DHX15: variants seen among roughly 807,000 people sequenced by gnomAD.
DHX15 encodes the protein ATP-dependent RNA helicase DHX15.
DHX15 carries 11 observed loss-of-function variants against 94.4 expected under a neutral mutation model. That is an observed-to-expected ratio of 0.12 (90% CI 0.07 to 0.19). The LOEUF (loss-of-function observed/expected upper bound fraction) is 0.19. Among genes scored for constraint, DHX15 ranks in the 10% least tolerant of loss-of-function variants. DHX15 has a pLI of 1.00. For synonymous variants in DHX15, 338 were observed against 329.9 expected (o/e 1.02, Z -0.27); for missense variants, 304 against 988.5 (o/e 0.31, Z 9.29).
chr4:24,543,605 A>G (rs1177999985), intron 6 of DHX15, among the ~76,000 whole-genome samples: 1 of 152,198 alleles, frequency 6.6e-6, no homozygotes, highest in African/African-American at 2.4e-5. Context: ...GTAATACGTT[A>G]CTACATACAA....
chr4:24,575,156 T>TAAAA (rs796325646), intron 2 of DHX15, among the ~76,000 whole-genome samples: 6 of 130,556 alleles, frequency 4.6e-5, no homozygotes, highest in Admixed American at 3.8e-4. Context: ...ACACAAAAAT[T>TAAAA]AAAAAAAAAA....
intron 13 of DHX15, among the ~76,000 whole-genome samples, chr4:24,528,679 A>G (rs920482964): frequency 2.0e-5 from 3 of 152,196 alleles, no homozygotes; most frequent in South Asian, 2.1e-4. Context: ...TTCCTGTCAT[A>G]GGTTATAGAA....
chr4:24,576,747 C>G, intron 1 of DHX15, 69 bp from the exon 2 acceptor site: 2 of 1,556,038 alleles, frequency 1.3e-6, no homozygotes, highest in Non-Finnish European at 1.7e-6. Context: ...GTTATAATCA[C>G]AAAGAGAGTA....
chr4:24,543,583 A>G (rs1721362207), intron 6 of DHX15, among the ~76,000 whole-genome samples: 1 of 152,170 alleles, frequency 6.6e-6, no homozygotes, highest in South Asian at 2.1e-4. Flanking sequence ...CATGGTCTCA[A>G]CGGGATGACA....
chr4:24,545,855 G>A (rs778750882), intron 6 of DHX15, among the ~76,000 whole-genome samples: 2 of 152,132 alleles, frequency 1.3e-5, no homozygotes, highest in Admixed American at 6.5e-5. Flanking sequence ...TGCAGTAAGC[G>A]TTCAAAGAGC....
At chr4:24,535,868 A>G (rs547902381) in intron 11 of DHX15, among the ~76,000 whole-genome samples, 1 of 152,334 alleles carries the variant, frequency 6.6e-6, no homozygotes, top group Non-Finnish European at 1.5e-5. Context: ...AATAAAAATG[A>G]GTTACAAATA....
chr4:24,572,741 A>G lies in DHX15; in HGVS notation c.508-1894T>C, dbSNP rs143371080. Among the ~76,000 whole-genome samples the G allele has an allele frequency of 1.7e-3, 260 of 152,330 alleles. 5 individuals are homozygous for G. The East Asian group carries it at 0.035, about 20-fold the overall frequency. On this transcript the variant is annotated intron_variant, in intron 2 of 13. Transcript: ENST00000336812. The stretch of plus-strand genomic sequence containing the variant: ...AGTGCGTTTCCTTGTATTTTTACAA[A>G]TTCTAGGATCCCTGAAATGGTTTCA...
intron 12 of DHX15, among the ~76,000 whole-genome samples, chr4:24,531,619 G>C (rs934257318): frequency 1.3e-5 from 2 of 152,020 alleles, no homozygotes; most frequent in Admixed American, 6.5e-5. Context: ...TCAGGAGTCT[G>C]AGGTGGGAGG....
chr4:24,530,024 T>G, intron 12 of DHX15: 1 of 530,970 alleles, frequency 1.9e-6, no homozygotes, highest in Non-Finnish European at 3.3e-6. Flanking sequence ...AAAAATATCA[T>G]ACAAAAAACA....
chr4:24,567,560 G>A (rs991757154), intron 3 of DHX15, among the ~76,000 whole-genome samples: 1 of 148,370 alleles, frequency 6.7e-6, no homozygotes, highest in Non-Finnish European at 1.5e-5. Context: ...CTGGGCGACA[G>A]AGCAAGACTC....
chr4:24,564,000 G>C (rs918144381), intron 3 of DHX15, among the ~76,000 whole-genome samples: 1 of 150,620 alleles, frequency 6.6e-6, no homozygotes. Context: ...CTGGGAGGCG[G>C]AGCTTGCAGT....
chr4:24,581,952 T>C (rs1391127835), intron 1 of DHX15, among the ~76,000 whole-genome samples: 1 of 152,176 alleles, frequency 6.6e-6, no homozygotes, highest in Admixed American at 6.5e-5. Flanking sequence ...AGCATTAATA[T>C]AAGTGAAATC....
chr4:24,533,213 T>TTG (rs769056206), intron 11 of DHX15, 159 bp from the exon 12 acceptor site: 1 of 672,806 alleles, frequency 1.5e-6, no homozygotes, highest in Non-Finnish European at 2.6e-6. Context: ...GTTACCAACT[T>TTG]TCTCAAAGAT....
intron 6 of DHX15, among the ~76,000 whole-genome samples, chr4:24,544,215 A>C (rs139969281): frequency 1.3e-5 from 2 of 152,298 alleles, no homozygotes; most frequent in African/African-American, 4.8e-5. Context: ...AAAACACTTA[A>C]TTTTATAAAT....
At position 24,537,176 on chromosome 4, in the gene DHX15, A is replaced by G; in HGVS notation, c.1787-3T>C. The stretch of plus-strand genomic sequence containing the variant: ...GGGGCGAACAAAACACTGTGGGACT[A>G]AACAAGGTTGGTATGGGCCCAACAC... On this transcript the variant is annotated splice_polypyrimidine_tract_variant and splice_region_variant and intron_variant, in intron 10 of 13. Transcript: ENST00000336812. This position sits in a 1 kb window ranked among gnomAD's most constrained non-coding sequence, Gnocchi z 4.7. 1 of 1,613,676 alleles carries G rather than the reference A, an allele frequency of 6.2e-7. No homozygotes were observed. Among genetic ancestry groups the G allele is most frequent in the South Asian group, 1.1e-5 (1 of 91,036 alleles).
intron 1 of DHX15, among the ~76,000 whole-genome samples, chr4:24,582,587 C>T (rs1722440387): frequency 6.6e-6 from 1 of 152,168 alleles, no homozygotes; most frequent in African/African-American, 2.4e-5. Flanking sequence ...ACTAAGTGTT[C>T]CCTACTTTAC....
At chr4:24,553,640 G>A (rs995867383) in intron 5 of DHX15, among the ~76,000 whole-genome samples, 1 of 151,704 alleles carries the variant, frequency 6.6e-6, no homozygotes, top group Non-Finnish European at 1.5e-5. Context: ...AGCCAGGTGT[G>A]ATGGTGGGCA....
At position 24,529,828 on chromosome 4, in the gene DHX15, G is replaced by C. The variant is rs533292464; in HGVS notation, c.2101-58C>G. On this transcript the variant is annotated intron_variant, in intron 12 of 13. Transcript: ENST00000336812. Reference sequence around the variant, plus strand: ...ATGCTTCTGACTTGCTAGTTGTAAAGCTACCTACATAATTAGGAAGAGGCA... The same window carrying C: ...ATGCTTCTGACTTGCTAGTTGTAAACCTACCTACATAATTAGGAAGAGGCA... 51 of 1,542,788 alleles carry C rather than the reference G, an allele frequency of 3.3e-5. No individual in the cohort carries two copies. The African/African-American group carries it at 4.6e-4, about 14-fold the overall frequency.
At chr4:24,553,714 T>C (rs1303629513) in intron 5 of DHX15, among the ~76,000 whole-genome samples, 1 of 150,896 alleles carries the variant, frequency 6.6e-6, no homozygotes, top group Admixed American at 6.6e-5. Flanking sequence ...GAGGCAGAGG[T>C]TGCAGTGAGC....
Sources: allele counts gnomAD v4.1 joint callset (sites outside exome capture counted in the v4.1 genomes callset), GRCh38; gene constraint gnomAD v4.1.1; non-coding constraint Gnocchi (gnomAD v3.1); transcripts MANE v1.5; gene names NCBI Gene and HGNC (gene_info 2026-07-23, HGNC 2026-07-21).